ISY1: variants seen among roughly 807,000 people sequenced by gnomAD.
ISY1 encodes the protein ISY1 spliceosome associated protein.
ISY1 carries 12 observed loss-of-function variants against 54.4 expected under a neutral mutation model. The ratio of observed to expected loss-of-function variants is 0.22; its 90% CI spans 0.14 to 0.36. The LOEUF is 0.36. Ranked by LOEUF, ISY1 falls within the 10% of genes least tolerant of loss-of-function variation. The pLI is 1.00. For missense variants in ISY1, 282 were observed against 342.2 expected (o/e 0.82, Z 1.39); for synonymous variants, 96 against 117.9 (o/e 0.81, Z 1.20).
At chr3:129,142,175 C>A (rs1389031435) in intron 6 of ISY1, among the ~76,000 whole-genome samples, 1 of 149,206 alleles carries the variant, frequency 6.7e-6, no homozygotes, top group Non-Finnish European at 1.5e-5. Context: ...CCACTGCACT[C>A]CAGCCTGGAC....
intron 7 of ISY1, among the ~76,000 whole-genome samples, chr3:129,139,638 A>G (rs1483885692): frequency 6.7e-6 from 1 of 149,900 alleles, no homozygotes; most frequent in Non-Finnish European, 1.5e-5. Flanking sequence ...AAGTAGCTCC[A>G]CTTTTCTCCT....
rs766790686 is a variant in ISY1, at chr3:129,127,494, G to C, written c.*2587C>G. 5 of 152,270 alleles carry C rather than the reference G, an allele frequency of 3.3e-5. No individual in the cohort carries two copies. The highest frequency in any genetic ancestry group is 7.3e-5 in the Non-Finnish European group (5 of 68,084). The allele number at this position is 152,270 out of a possible 1,614,324, so 9.4% of individuals were successfully genotyped here. On this transcript the variant is annotated 3_prime_UTR_variant, in exon 11 of 11. Coordinates refer to ENST00000393295, the MANE Select transcript of ISY1 (RefSeq NM_020701.4). ...TTCTGTCACCTCGGAGCCACAAGCT[G>C]GGAAAAGATAACCACACCCACCCAG... is the stretch of plus-strand genomic sequence containing the variant.
chr3:129,140,359 C>CTTAG lies in ISY1; in HGVS notation c.418+8_418+9insCTAA, dbSNP rs10664499. ...AATGAAAGGCTAAAACTGTCACAAA[C>CTTAG]TTACTTACGTTCTTTTTCAAACAGC... is the stretch of plus-strand genomic sequence containing the variant. On this transcript the variant is annotated intron_variant, in intron 7 of 10. Transcript: ENST00000393295. The CTTAG allele has an allele frequency of 0.98, 1,557,876 of 1,597,602 alleles. 759,828 individuals are homozygous for CTTAG. The highest frequency in any genetic ancestry group is 1 in the East Asian group (44,651 of 44,768).
intron 10 of ISY1, 119 bp from the exon 11 acceptor site, chr3:129,130,307 A>G: frequency 1.5e-6 from 2 of 1,375,366 alleles, no homozygotes; most frequent in Non-Finnish European, 1.9e-6. Flanking sequence ...TTAAATACGC[A>G]GAATAGTCTC....
chr3:129,141,193 T>TTAAATAAATAAATAAATAAA (rs113443810), intron 6 of ISY1, among the ~76,000 whole-genome samples: 2 of 139,704 alleles, frequency 1.4e-5, no homozygotes, highest in African/African-American at 5.4e-5. Flanking sequence ...CTGGAGTAAA[T>TTAAATAAATAAATAAATAAA]TAAATAAATA....
At chr3:129,159,211 GTTTAAAATATAT>G (rs1937232266) in intron 1 of ISY1, 35 bp from the exon 2 acceptor site, 1 of 1,588,430 alleles carries the variant, frequency 6.3e-7, no homozygotes, top group South Asian at 1.2e-5. Flanking sequence ...AAATGTCCAT[GTTTAAAATATAT>G]TTTTTTCTTG....
intron 8 of ISY1, 57 bp downstream of exon 8, chr3:129,134,775 A>G: frequency 6.5e-7 from 1 of 1,539,376 alleles, no homozygotes; most frequent in Non-Finnish European, 8.8e-7. Flanking sequence ...CTGTTTTCAA[A>G]GGACACAACA....
chr3:129,150,279 A>G (rs1353621556), intron 5 of ISY1, among the ~76,000 whole-genome samples: 36 of 152,232 alleles, frequency 2.4e-4, no homozygotes, highest in Admixed American at 2.4e-3. Flanking sequence ...AGAGAGAAAG[A>G]ATTAACATCT....
chr3:129,141,226 T>C (rs537801169), intron 6 of ISY1, among the ~76,000 whole-genome samples: 1 of 147,226 alleles, frequency 6.8e-6, no homozygotes, highest in East Asian at 2.0e-4. Flanking sequence ...AATAAATAAA[T>C]AAATAAAAAA....
rs1204336807 is a variant in ISY1, at chr3:129,130,053, G to T, written c.*28C>A. ...CCTGAGGTACCACTGGGGGATGGAA[G>T]AACTCCAAGGAGAGCCCCAGCTGGG... On this transcript the variant is annotated 3_prime_UTR_variant, in exon 11 of 11. Coordinates refer to ENST00000393295, the MANE Select transcript of ISY1 (RefSeq NM_020701.4). 1.3e-6 allele frequency: 2 copies of T among 1,530,616 alleles called. No individual in the cohort carries two copies. The highest frequency in any genetic ancestry group is 1.4e-5 in the African/African-American group (1 of 71,652). 94.8% of individuals were successfully genotyped at this position (1,530,616 alleles called of 1,614,324 possible). A position where few individuals can be genotyped will look rare whatever the true frequency, so the allele number is the denominator to read the frequency against.
At chr3:129,159,221 T>C (rs372696723) in intron 1 of ISY1, 45 bp from the exon 2 acceptor site, 16 of 1,584,288 alleles carry the variant, frequency 1.0e-5, no homozygotes, top group East Asian at 2.2e-5. Flanking sequence ...GTTTAAAATA[T>C]ATTTTTTTCT....
intron 6 of ISY1, among the ~76,000 whole-genome samples, chr3:129,141,296 G>A (rs1450643140): frequency 2.6e-5 from 4 of 151,970 alleles, no homozygotes; most frequent in African/African-American, 9.7e-5. Flanking sequence ...GGACACCAAG[G>A]TGGGAAGATC....
At chr3:129,136,691 CTTT>C (rs554610124) in intron 7 of ISY1, among the ~76,000 whole-genome samples, 1 of 128,504 alleles carries the variant, frequency 7.8e-6, no homozygotes, top group Non-Finnish European at 1.7e-5. Flanking sequence ...TCTTCTTCTT[CTTT>C]TTTTTTTTTT....
intron 6 of ISY1, among the ~76,000 whole-genome samples, chr3:129,141,298 G>A (rs1936604400): frequency 6.6e-6 from 1 of 151,568 alleles, no homozygotes; most frequent in African/African-American, 2.4e-5. Flanking sequence ...ACACCAAGGT[G>A]GGAAGATCAC....
chr3:129,136,458 A>G (rs914855015), intron 7 of ISY1, among the ~76,000 whole-genome samples: 1 of 152,090 alleles, frequency 6.6e-6, no homozygotes, highest in Admixed American at 6.6e-5. Context: ...GTGAAAGAAT[A>G]AAAGCTGGCC....
Position 129,161,028 on chromosome 3 carries a change from C to G in ISY1, c.-53G>C. On this transcript the variant is annotated 5_prime_UTR_variant, in exon 1 of 11. Coordinates refer to ENST00000393295, the MANE Select transcript of ISY1 (RefSeq NM_020701.4). ...CCCCGCGGCCCCTGTCCAAGAAACT[C>G]CACAGGCCCAGAAGACGCCGACGCT... 6.5e-7 allele frequency: 1 copy of G among 1,544,730 alleles called. No individual in the cohort carries two copies. The highest frequency in any genetic ancestry group is 8.7e-7 in the Non-Finnish European group (1 of 1,143,764).
chr3:129,154,440 A>C (rs1288718028), intron 5 of ISY1, among the ~76,000 whole-genome samples: 1 of 77,960 alleles, frequency 1.3e-5, no homozygotes, highest in African/African-American at 8.3e-5. Context: ...ACTCCATCTC[A>C]AAAAAAAAAA....
Position 129,134,056 on chromosome 3 carries a change from G to C in ISY1, c.663+18C>G, listed in dbSNP as rs780675003. On this transcript the variant is annotated intron_variant, in intron 9 of 10. Coordinates refer to ENST00000393295, the MANE Select transcript of ISY1 (RefSeq NM_020701.4). ...GGAACAGATGGCAGTGAGTGCCAGA[G>C]GGGGCCAACCCCAATACCTCCTCCT... is the stretch of plus-strand genomic sequence containing the variant. 6.2e-7 allele frequency: 1 copy of C among 1,613,542 alleles called. No homozygotes were observed. Among genetic ancestry groups the C allele is most frequent in the Admixed American group, 1.7e-5 (1 of 59,998 alleles).
chr3:129,132,160 A>G (rs1431432632), intron 9 of ISY1, among the ~76,000 whole-genome samples: 1 of 152,064 alleles, frequency 6.6e-6, no homozygotes, highest in Admixed American at 6.6e-5. Flanking sequence ...TGATGGCCAC[A>G]TGGATCTCCA....
Sources: allele counts gnomAD v4.1 joint callset (sites outside exome capture counted in the v4.1 genomes callset), GRCh38; gene constraint gnomAD v4.1.1; transcripts MANE v1.5; gene names NCBI Gene and HGNC (gene_info 2026-07-23, HGNC 2026-07-21).